FREM1: variants seen among roughly 807,000 people sequenced by gnomAD.
FREM1 encodes FRAS1-related extracellular matrix protein 1.
FREM1 carries 220 observed loss-of-function variants against 210.1 expected under a neutral mutation model. The observed-to-expected ratio is 1.05, with a 90% CI of 0.94 to 1.17. The LOEUF (loss-of-function observed/expected upper bound fraction) is 1.17. Among genes scored for constraint, FREM1 ranks in the 50% most tolerant of loss-of-function variants. The pLI is 0.00. For missense variants in FREM1, 3,454 were observed against 2,675.5 expected, an observed-to-expected ratio of 1.29 and a Z score of -6.42; for synonymous variants, 1,189 against 980.2, an observed-to-expected ratio of 1.21 and a Z score of -3.98.
At chr9:14,883,058 G>A (rs986350698) in intron 1 of FREM1, among the ~76,000 whole-genome samples, 1 of 151,894 alleles carries the variant, frequency 6.6e-6, no homozygotes. Context: ...AGACAAGAAA[G>A]TAAAGCTTTC....
At chr9:14,810,369 A>T (rs1819177215) in intron 16 of FREM1, among the ~76,000 whole-genome samples, 1 of 152,220 alleles carries the variant, frequency 6.6e-6, no homozygotes, top group South Asian at 2.1e-4. Context: ...AGCCTACAAC[A>T]TAGGTAGTGA....
At chr9:14,908,592 G>A (rs944814614) in intron 1 of FREM1, among the ~76,000 whole-genome samples, 2 of 152,004 alleles carry the variant, frequency 1.3e-5, no homozygotes, top group African/African-American at 4.8e-5. Flanking sequence ...TGATTAAAAA[G>A]CCCTGGTTTG....
At chr9:14,819,935 A>G (rs897347103) in intron 13 of FREM1, among the ~76,000 whole-genome samples, 1 of 152,264 alleles carries the variant, frequency 6.6e-6, no homozygotes, top group African/African-American at 2.4e-5. Context: ...CTTCAGTCAC[A>G]GTGAATATTT....
intron 36 of FREM1, among the ~76,000 whole-genome samples, chr9:14,739,009 CAA>C (rs386414499): frequency 0.13 from 11,321 of 87,218 alleles, 281 homozygotes; most frequent in Non-Finnish European, 0.17. Context: ...GATTCTGTCT[CAA>C]AAAAAAAAAA....
intron 1 of FREM1, among the ~76,000 whole-genome samples, chr9:14,881,886 C>T (rs1834857289): frequency 6.6e-6 from 1 of 152,162 alleles, no homozygotes; most frequent in Non-Finnish European, 1.5e-5. Context: ...TGTGCCTCTT[C>T]TCCCTTTTTC....
chr9:14,781,740 G>C (rs898374015), intron 24 of FREM1, among the ~76,000 whole-genome samples: 1 of 152,108 alleles, frequency 6.6e-6, no homozygotes, highest in South Asian at 2.1e-4. Context: ...TTTCGCTCTT[G>C]TTGCCCAGGC....
At chr9:14,747,178 G>T (rs1273291369) in intron 33 of FREM1, 86 bp downstream of exon 33, 39 of 1,571,652 alleles carry the variant, frequency 2.5e-5, no homozygotes, top group Non-Finnish European at 3.3e-5. Flanking sequence ...CCCCAACCTT[G>T]GAGGCTATTT....
chr9:14,797,580 A>G lies in FREM1; in HGVS notation c.3757T>C (p.Leu1253=), dbSNP rs757560978. ...ESLADDFTIQ[L]SDGKHKILKT... Reference sequence around the variant, plus strand: ...AGTATCTTATGTTTCCCATCTGACAATTGGATTGTAAAATCATCAGCAAGG... The same window carrying G: ...AGTATCTTATGTTTCCCATCTGACAGTTGGATTGTAAAATCATCAGCAAGG... The change falls in exon 21 of 37, where the codon TTG becomes CTG. Residue 1253 remains leucine, a synonymous_variant. Coordinates refer to ENST00000380880, the MANE Select transcript of FREM1 (RefSeq NM_001379081.2). 26 of 1,612,398 alleles carry G rather than the reference A, an allele frequency of 1.6e-5. No homozygotes were observed. Among genetic ancestry groups the G allele is most frequent in the Non-Finnish European group, 2.1e-5 (25 of 1,178,736 alleles).
At chr9:14,861,064 CATATACAT>C (rs1327182968) in intron 3 of FREM1, among the ~76,000 whole-genome samples, 13 of 41,254 alleles carry the variant, frequency 3.2e-4, no homozygotes, top group South Asian at 6.9e-4. Context: ...CATATATACA[CATATACAT>C]ATATACATAT....
At chr9:14,802,657 G>A (rs115094648) in intron 19 of FREM1, among the ~76,000 whole-genome samples, 1,720 of 152,024 alleles carry the variant, frequency 0.011, 40 homozygotes, top group African/African-American at 0.039. Context: ...TTTCTCACGA[G>A]GATTGAGAGA....
chr9:14,832,613 A>G (rs1429214117), intron 10 of FREM1, among the ~76,000 whole-genome samples: 1 of 152,180 alleles, frequency 6.6e-6, no homozygotes, highest in Non-Finnish European at 1.5e-5. Context: ...ATGTTCTTCC[A>G]ACCTGGGAAA....
At chr9:14,806,876 T>C in intron 17 of FREM1, 30 bp from the exon 18 acceptor site, 1 of 1,456,820 alleles carries the variant, frequency 6.9e-7, no homozygotes, top group Non-Finnish European at 9.4e-7. Flanking sequence ...CAATTACAAC[T>C]TAGCATGAAA....
Position 14,750,126 on chromosome 9 carries a change from C to T in FREM1, c.5557+1G>A. ...TTTCAAGATGAGGATCAAAAGAATA[C>T]CTCCTTTTGAGTCCAAAATTTTCAC... On this transcript the variant is annotated splice_donor_variant, in intron 30 of 36. Transcript: ENST00000380880. LOFTEE classifies it high-confidence loss of function. 6.2e-7 allele frequency: 1 copy of T among 1,613,536 alleles called. No individual in the cohort carries two copies. Among genetic ancestry groups the T allele is most frequent in the Admixed American group, 1.7e-5 (1 of 59,974 alleles).
At position 14,750,165 on chromosome 9, in the gene FREM1, T is replaced by C. The variant is rs1843106760; in HGVS notation, c.5519A>G (p.Lys1840Arg). Residue 1840 changes from lysine (K) to arginine (R), a missense_variant, in exon 30 of 37, where the codon AAG (lysine) becomes AGG (arginine). Lys to Arg is a conservative substitution (Grantham distance 26). Transcript: ENST00000380880. ...NSPVNAVLGT[K>R]TKAAVKILDS... The stretch of plus-strand genomic sequence containing the variant: ...CAAAATTTTCACTGCAGCTTTTGTC[T>C]TTGTGCCAAGAACTGCATTCACAGG... 6.2e-7 allele frequency: 1 copy of C among 1,613,712 alleles called. No individual in the cohort carries two copies. Among genetic ancestry groups the C allele is most frequent in the Non-Finnish European group, 8.5e-7 (1 of 1,179,820 alleles).
intron 32 of FREM1, 30 bp from the exon 33 acceptor site, chr9:14,747,458 A>G: frequency 6.3e-7 from 1 of 1,596,840 alleles, no homozygotes. Flanking sequence ...AACAACAATA[A>G]GGAAAAAACA....
At chr9:14,795,889 A>G (rs1447897197) in intron 21 of FREM1, among the ~76,000 whole-genome samples, 1 of 152,128 alleles carries the variant, frequency 6.6e-6, no homozygotes, top group African/African-American at 2.4e-5. Flanking sequence ...CGGGGCCCTC[A>G]CCCTGCCAGC....
chr9:14,787,980 C>A (rs541064482), intron 23 of FREM1, among the ~76,000 whole-genome samples: 1 of 152,074 alleles, frequency 6.6e-6, no homozygotes, highest in Non-Finnish European at 1.5e-5. Flanking sequence ...CAAGATCAAA[C>A]TGAATTAATT....
chr9:14,876,484 G>C (rs554569313), intron 1 of FREM1, among the ~76,000 whole-genome samples: 11 of 152,194 alleles, frequency 7.2e-5, no homozygotes, highest in South Asian at 4.1e-4. Flanking sequence ...CTCTGAGCCA[G>C]GTGCAGGATA....
rs149881806 is a variant in FREM1 at position 14,758,705 on chromosome 9, G to T, written c.5334+1067C>A. 6.9e-3 allele frequency among the ~76,000 whole-genome samples: 1,056 copies of T among 151,994 alleles called. 14 individuals carry two copies. Among genetic ancestry groups the T allele is most frequent in the African/African-American group, 0.024 (993 of 41,420 alleles). ...GATGGGGTGGGGGGGAGTCTTTACA[G>T]CTCATTCTCCATCATTAGTGTGTAC... On this transcript the variant is annotated intron_variant, in intron 28 of 36. Coordinates refer to ENST00000380880, the MANE Select transcript of FREM1 (RefSeq NM_001379081.2).
Sources: allele counts gnomAD v4.1 joint callset (sites outside exome capture counted in the v4.1 genomes callset), GRCh38; gene constraint gnomAD v4.1.1; transcripts MANE v1.5; gene names NCBI Gene and HGNC (gene_info 2026-07-23, HGNC 2026-07-21).